The following ENAH variants were observed in gnomAD, a reference collection of about 807,000 sequenced individuals.
The protein encoded by ENAH is ENAH actin regulator.
A neutral mutation model predicts 78.7 loss-of-function variants in ENAH; 23 were observed. That is an observed-to-expected ratio of 0.29 (90% CI 0.21 to 0.41). The LOEUF (loss-of-function observed/expected upper bound fraction) is 0.41, where lower values mean the gene tolerates loss of function less well. Among genes scored for constraint, ENAH ranks in the 10% least tolerant of loss-of-function variants. The pLI, the probability that ENAH is intolerant of heterozygous loss-of-function variation, is 1.00. For missense variants in ENAH, 544 were observed against 691.0 expected, an observed-to-expected ratio of 0.79 and a Z score of 2.39; for synonymous variants, 226 against 241.0, an observed-to-expected ratio of 0.94 and a Z score of 0.58.
At chr1:225,525,570 G>C (rs550615478) in intron 4 of ENAH, among the ~76,000 whole-genome samples, 1 of 152,234 alleles carries the variant, frequency 6.6e-6, no homozygotes, top group South Asian at 2.1e-4. Context: ...CCCCCAACCG[G>C]ATGGGCTATT....
intron 1 of ENAH, among the ~76,000 whole-genome samples, chr1:225,644,899 C>A (rs1162583801): frequency 1.3e-5 from 2 of 152,160 alleles, no homozygotes; most frequent in Non-Finnish European, 2.9e-5. Flanking sequence ...AATCACCACC[C>A]AGATTTAAGT....
At chr1:225,541,413 C>T (rs948154577) in intron 3 of ENAH, among the ~76,000 whole-genome samples, 20 of 151,704 alleles carry the variant, frequency 1.3e-4, no homozygotes, top group African/African-American at 4.4e-4. Flanking sequence ...CCAGCCCGGG[C>T]GACAGAGTGA....
chr1:225,585,283 T>C (rs973138608), intron 1 of ENAH, among the ~76,000 whole-genome samples: 16 of 145,312 alleles, frequency 1.1e-4, no homozygotes, highest in African/African-American at 3.8e-4. Context: ...ACAGTATTAG[T>C]TGTAAATTTT....
intron 5 of ENAH, 114 bp downstream of exon 5, chr1:225,519,084 T>A: frequency 2.1e-6 from 3 of 1,453,226 alleles, no homozygotes; most frequent in Non-Finnish European, 2.8e-6. Context: ...TAATTTCAAA[T>A]TGTATGGCTT....
chr1:225,595,062 C>T (rs756891851), intron 1 of ENAH, among the ~76,000 whole-genome samples: 1 of 152,150 alleles, frequency 6.6e-6, no homozygotes, highest in Non-Finnish European at 1.5e-5. Context: ...AGCCCAGGCG[C>T]GGTGGCTCAA....
intron 1 of ENAH, 91 bp downstream of exon 1, chr1:225,652,595 C>CG: frequency 8.4e-7 from 1 of 1,193,360 alleles, no homozygotes; most frequent in East Asian, 3.2e-5. Context: ...CGCGCCGGGC[C>CG]GGGAGAGGGA....
intron 11 of ENAH, chr1:225,504,890 T>C: frequency 2.8e-6 from 2 of 716,146 alleles, no homozygotes; most frequent in Non-Finnish European, 4.4e-6. Context: ...GAAAAAAAAA[T>C]CTCCCTTGTG....
At chr1:225,501,316 GAA>G (rs989654246) in intron 11 of ENAH, 2 of 418,700 alleles carry the variant, frequency 4.8e-6, no homozygotes, top group Admixed American at 4.1e-5. Flanking sequence ...GACTTCTTCA[GAA>G]AAGAGTAGAA....
At chr1:225,585,152 G>C (rs1394630406) in intron 1 of ENAH, among the ~76,000 whole-genome samples, 1 of 139,156 alleles carries the variant, frequency 7.2e-6, no homozygotes, top group Admixed American at 8.1e-5. Flanking sequence ...AGAGGCAGAG[G>C]TTGCAGCAAG....
chr1:225,552,275 T>G (rs2096644778), intron 3 of ENAH, among the ~76,000 whole-genome samples: 2 of 151,820 alleles, frequency 1.3e-5, no homozygotes, highest in African/African-American at 4.8e-5. Flanking sequence ...TAGCTGGGAC[T>G]ACAGGCGCCC....
intron 12 of ENAH, among the ~76,000 whole-genome samples, chr1:225,500,472 C>A (rs570549142): frequency 6.6e-6 from 1 of 152,304 alleles, no homozygotes; most frequent in South Asian, 2.1e-4. Flanking sequence ...AGCCTCTACT[C>A]CACCCACTAT....
At chr1:225,510,677 A>G (rs2096369615) in intron 10 of ENAH, among the ~76,000 whole-genome samples, 1 of 151,656 alleles carries the variant, frequency 6.6e-6, no homozygotes, top group Admixed American at 6.6e-5. Flanking sequence ...ACAATCACAA[A>G]AACAAAAACT....
chr1:225,614,994 G>A (rs1222943495), intron 1 of ENAH, among the ~76,000 whole-genome samples: 1 of 149,256 alleles, frequency 6.7e-6, no homozygotes, highest in African/African-American at 2.5e-5. Flanking sequence ...CCTCTCCCCG[G>A]TCTCCCTCTC....
chr1:225,571,737 C>T (rs1354348619), intron 1 of ENAH, among the ~76,000 whole-genome samples: 3 of 152,088 alleles, frequency 2.0e-5, no homozygotes, highest in Non-Finnish European at 4.4e-5. Flanking sequence ...ATGATTTCAT[C>T]GATCATGCTT....
chr1:225,587,364 C>T (rs2096852584), intron 1 of ENAH, among the ~76,000 whole-genome samples: 1 of 152,142 alleles, frequency 6.6e-6, no homozygotes, highest in South Asian at 2.1e-4. Context: ...AAATCAGTTG[C>T]ATTTTTTATA....
chr1:225,542,438 A>C (rs1347328455), intron 3 of ENAH, among the ~76,000 whole-genome samples: 1 of 152,096 alleles, frequency 6.6e-6, no homozygotes, highest in East Asian at 1.9e-4. Context: ...GTTCATCAAA[A>C]ACCAGGACTG....
chr1:225,615,574 C>A (rs1177483932), intron 1 of ENAH, among the ~76,000 whole-genome samples: 1 of 151,886 alleles, frequency 6.6e-6, no homozygotes, highest in Non-Finnish European at 1.5e-5. Context: ...CTCTTCCCGG[C>A]TGCCAGCCCG....
chr1:225,610,407 G>A (rs1442852735), intron 1 of ENAH, among the ~76,000 whole-genome samples: 2 of 152,104 alleles, frequency 1.3e-5, no homozygotes, highest in East Asian at 1.9e-4. Context: ...CTACTGTGGG[G>A]TTATAATAAA....
intron 1 of ENAH, among the ~76,000 whole-genome samples, chr1:225,612,851 G>T (rs1057186400): frequency 6.6e-6 from 1 of 151,766 alleles, no homozygotes; most frequent in African/African-American, 2.4e-5. Flanking sequence ...AAAAAAAAGG[G>T]GGGGAGGAGG....
Sources: gnomAD v4.1 joint callset for allele counts (sites outside exome capture counted in the v4.1 genomes callset) on GRCh38, gnomAD v4.1.1 for gene constraint, MANE v1.5 for transcripts, NCBI Gene and HGNC (gene_info 2026-07-23, HGNC 2026-07-21) for gene names.